Variants in RPS6KC1 observed in about 807,000 individuals in gnomAD.
The protein encoded by RPS6KC1 is inactive ribosomal protein S6 kinase delta-1.
In RPS6KC1, 54 loss-of-function variants were observed where a neutral mutation model predicts 103.8. The ratio of observed to expected loss-of-function variants is 0.52; its 90% CI spans 0.42 to 0.65. RPS6KC1 has a LOEUF of 0.65. Among genes scored for constraint, RPS6KC1 ranks in the 30% least tolerant of loss-of-function variants. The probability of loss-of-function intolerance (pLI) is 0.00; values close to 1 mark genes in which losing one functional copy is unlikely to be tolerated. For synonymous variants in RPS6KC1, 439 were observed against 438.7 expected, an observed-to-expected ratio of 1.00 and a Z score of -0.01; for missense variants, 1,151 against 1,253.8, an observed-to-expected ratio of 0.92 and a Z score of 1.24.
chr1:213,652,852 G>A, the RPS6KC1 span, among the ~76,000 whole-genome samples: 1 of 152,186 alleles, frequency 6.6e-6, no homozygotes, highest in Non-Finnish European at 1.5e-5. Flanking sequence ...AGGGAGACCA[G>A]CCAGCCAACC....
At chr1:213,340,960 G>A in the RPS6KC1 span, among the ~76,000 whole-genome samples, 3 of 152,246 alleles carry the variant, frequency 2.0e-5, no homozygotes, top group Non-Finnish European at 4.4e-5. Flanking sequence ...GTCCTACCCT[G>A]CCCTTTATCA....
intron 3 of RPS6KC1, among the ~76,000 whole-genome samples, chr1:213,093,411 T>C (rs935977289): frequency 6.6e-6 from 1 of 152,012 alleles, no homozygotes; most frequent in African/African-American, 2.4e-5. Flanking sequence ...GGTTTCACCA[T>C]GTTGGCCAGG....
the RPS6KC1 span, among the ~76,000 whole-genome samples, chr1:213,799,482 T>C: frequency 3.8e-3 from 586 of 152,314 alleles, 4 homozygotes; most frequent in African/African-American, 0.012. Flanking sequence ...ACAGGTCTTA[T>C]TACTAAACTA....
chr1:213,328,494 A>C, the RPS6KC1 span, among the ~76,000 whole-genome samples: 1 of 120,414 alleles, frequency 8.3e-6, no homozygotes, highest in East Asian at 2.7e-4. Flanking sequence ...ACTGGGAGTC[A>C]GCCATTATAC....
the RPS6KC1 span, among the ~76,000 whole-genome samples, chr1:213,392,672 G>A: frequency 6.6e-6 from 1 of 152,314 alleles, no homozygotes; most frequent in Non-Finnish European, 1.5e-5. Context: ...CCCAGAGTTT[G>A]CTCCTGCTAT....
chr1:213,118,039 AGCCTT>A (rs2083899271), intron 5 of RPS6KC1, among the ~76,000 whole-genome samples: 3 of 149,134 alleles, frequency 2.0e-5, no homozygotes, highest in Non-Finnish European at 4.5e-5. Context: ...AAAAAAAAAA[AGCCTT>A]ACTCATTTCT....
intron 13 of RPS6KC1, 43 bp from the exon 14 acceptor site, chr1:213,262,678 G>T (rs1376377776): frequency 8.3e-7 from 1 of 1,207,708 alleles, no homozygotes; most frequent in Admixed American, 1.7e-5. Context: ...AACAAAATAT[G>T]ATGTTATTTG....
the RPS6KC1 span, among the ~76,000 whole-genome samples, chr1:213,860,550 A>C: frequency 6.6e-6 from 1 of 152,262 alleles, no homozygotes; most frequent in South Asian, 2.1e-4. Flanking sequence ...AGAACCACAG[A>C]GAAGGGGTGG....
the RPS6KC1 span, among the ~76,000 whole-genome samples, chr1:213,350,187 T>C: frequency 1.3e-5 from 2 of 152,138 alleles, no homozygotes; most frequent in Non-Finnish European, 2.9e-5. Flanking sequence ...AAGTTCCTGG[T>C]TCTCTCTCTC....
the RPS6KC1 span, among the ~76,000 whole-genome samples, chr1:213,347,699 G>A: frequency 6.6e-6 from 1 of 152,152 alleles, no homozygotes; most frequent in East Asian, 1.9e-4. Flanking sequence ...GTGAGACCCT[G>A]TCCCTAAAAC....
chr1:213,785,409 G>A, the RPS6KC1 span, among the ~76,000 whole-genome samples: 3 of 150,820 alleles, frequency 2.0e-5, no homozygotes, highest in East Asian at 3.9e-4. Context: ...TGTGACAGCT[G>A]CTCTAAAAAA....
At chr1:213,376,694 C>T in the RPS6KC1 span, among the ~76,000 whole-genome samples, 4 of 152,146 alleles carry the variant, frequency 2.6e-5, no homozygotes, top group African/African-American at 9.7e-5. Context: ...GGCAGACAGA[C>T]AATTAGGGGG....
intron 8 of RPS6KC1, among the ~76,000 whole-genome samples, chr1:213,183,453 C>T (rs1558493616): frequency 6.6e-6 from 1 of 152,072 alleles, no homozygotes; most frequent in Non-Finnish European, 1.5e-5. Flanking sequence ...AGTGTGTTCT[C>T]TGACCATGTC....
At chr1:213,530,285 T>C in the RPS6KC1 span, among the ~76,000 whole-genome samples, 2 of 152,200 alleles carry the variant, frequency 1.3e-5, no homozygotes, top group Non-Finnish European at 2.9e-5. Context: ...TCCAATATTT[T>C]GCTGCTGCTT....
chr1:213,363,613 GCTTGCTTGCTTGCTTTCTTTCTTT>G, the RPS6KC1 span, among the ~76,000 whole-genome samples: 76 of 81,166 alleles, frequency 9.4e-4, 2 homozygotes, highest in Middle Eastern at 6.4e-3. Flanking sequence ...TCGCTTGCTT[GCTTGCTTGCTTGCTTTCTTTCTTT>G]CTTTCTTTCT....
At chr1:213,367,714 G>A in the RPS6KC1 span, among the ~76,000 whole-genome samples, 1 of 152,196 alleles carries the variant, frequency 6.6e-6, no homozygotes, top group Non-Finnish European at 1.5e-5. Context: ...TTTGCAGACA[G>A]CAGAAAAGCA....
the RPS6KC1 span, among the ~76,000 whole-genome samples, chr1:213,501,572 C>T: frequency 9.9e-5 from 15 of 151,896 alleles, no homozygotes; most frequent in Non-Finnish European, 2.2e-4. Context: ...AACCCCATCT[C>T]TACTAAAAAT....
intron 8 of RPS6KC1, among the ~76,000 whole-genome samples, chr1:213,179,170 T>C (rs1255655242): frequency 6.6e-6 from 1 of 151,998 alleles, no homozygotes; most frequent in Non-Finnish European, 1.5e-5. Context: ...ATCCCAGCAC[T>C]TTGGGAGGCC....
the RPS6KC1 span, among the ~76,000 whole-genome samples, chr1:213,409,476 A>C: frequency 1.6e-4 from 24 of 152,076 alleles, no homozygotes; most frequent in Non-Finnish European, 1.8e-4. Context: ...TTTGTGAGGG[A>C]GGCACAGAGG....
Sources: gnomAD v4.1 joint callset for allele counts (sites outside exome capture counted in the v4.1 genomes callset) on GRCh38, gnomAD v4.1.1 for gene constraint, MANE v1.5 for transcripts, NCBI Gene and HGNC (gene_info 2026-07-23, HGNC 2026-07-21) for gene names.